LGR4: variants seen among roughly 807,000 people sequenced by gnomAD.
LGR4 encodes leucine rich repeat containing G protein-coupled receptor 4, also known as leucine-rich repeat-containing G protein-coupled receptor 4.
A neutral mutation model predicts 84.8 loss-of-function variants in LGR4; 44 were observed. The observed-to-expected ratio is 0.52, with a 90% CI of 0.41 to 0.67. The LOEUF is 0.67. Among genes scored for constraint, LGR4 ranks in the 30% least tolerant of loss-of-function variants. The pLI is 0.00. For missense variants in LGR4, 1,032 were observed against 1,131.4 expected (o/e 0.91, Z 1.26); for synonymous variants, 429 against 434.3 (o/e 0.99, Z 0.15).
Position 27,384,417 on chromosome 11 carries a change from A to G in LGR4, c.618-10T>C, listed in dbSNP as rs768807866. ...ATTGTTATGAAGATGCCTAAGGGGG[A>G]AAAAAAGCATAAAATGACTTTTCCA... On this transcript the variant is annotated splice_polypyrimidine_tract_variant and intron_variant, in intron 5 of 17. Transcript: ENST00000379214. 11 of 1,570,304 alleles carry G rather than the reference A, an allele frequency of 7.0e-6. No homozygotes were observed. In the African/African-American group the frequency reaches 8.1e-5, roughly 12 times the overall value.
In LGR4 at chr11:27,366,177, T is replaced by C. The variant is rs1385200158; in HGVS notation, c.*1690A>G. On this transcript the variant is annotated 3_prime_UTR_variant, in exon 18 of 18. Coordinates refer to ENST00000379214, the MANE Select transcript of LGR4 (RefSeq NM_018490.5). ...TATTTATCAGATGTGTAAATATACA[T>C]GATAGCAATTTTTAAAACTTGTAAA... 3 of 152,584 alleles carry C rather than the reference T, an allele frequency of 2.0e-5. No homozygotes were observed. The allele number at this position is 152,584 out of a possible 1,614,324, so 9.5% of individuals were successfully genotyped here.
chr11:27,458,329 T>C lies in LGR4; in HGVS notation c.185+13789A>G, dbSNP rs1407836594. ...AAAATAGTTCAGCAGTTGTCAGAGGTTGGAGGTGAAGAGAGGAGATAACTA... is the reference window on the plus strand; with the variant it reads ...AAAATAGTTCAGCAGTTGTCAGAGGCTGGAGGTGAAGAGAGGAGATAACTA... On this transcript the variant is annotated intron_variant, in intron 1 of 17. Coordinates refer to ENST00000379214, the MANE Select transcript of LGR4 (RefSeq NM_018490.5). 2.6e-5 allele frequency among the ~76,000 whole-genome samples: 4 copies of C among 151,858 alleles called. No homozygotes were observed. In the East Asian group the frequency reaches 7.7e-4, roughly 29 times the overall value.
intron 2 of LGR4, among the ~76,000 whole-genome samples, chr11:27,393,723 C>T (rs1863328279): frequency 1.3e-5 from 2 of 151,896 alleles, no homozygotes; most frequent in South Asian, 4.2e-4. Context: ...TTAGGTTCCC[C>T]CACTTCTAAT....
chr11:27,368,673 T>C lies in LGR4; in HGVS notation c.2050A>G (p.Arg684Gly), dbSNP rs7125959. 2.9e-3 allele frequency: 4,670 copies of C among 1,613,876 alleles called. 133 individuals are homozygous for C. The African/African-American group carries it at 0.055, about 19-fold the overall frequency. ...AGGGGTGATGCAGAATATTCCCCTC[T>C]ATGGAAAAGGGGAAAACAGCCTGCT... is the stretch of plus-strand genomic sequence containing the variant. The part of the protein sequence containing the change: ...TVAGCFPLFH[R>G]GEYSASPLCL... Residue 684 changes from arginine (R) to glycine (G), a missense_variant, in exon 18 of 18, where the codon AGA becomes GGA. Arg to Gly is a moderately radical substitution (Grantham distance 125, BLOSUM62 -2). Coordinates refer to ENST00000379214, the MANE Select transcript of LGR4 (RefSeq NM_018490.5).
chr11:27,385,234 A>C lies in LGR4; in HGVS notation c.617+19T>G. On this transcript the variant is annotated intron_variant, in intron 5 of 17. Coordinates refer to ENST00000379214, the MANE Select transcript of LGR4 (RefSeq NM_018490.5). ...CCAATTAACACAAATATATGGAATT[A>C]AAAGGGATAGATACTTACAGAACTA... 1 of 1,474,618 alleles carries C rather than the reference A, an allele frequency of 6.8e-7. No homozygotes were observed. 91.3% of individuals were successfully genotyped at this position (1,474,618 alleles called of 1,614,324 possible).
intron 1 of LGR4, among the ~76,000 whole-genome samples, chr11:27,447,085 AACG>A (rs1247850043): frequency 6.6e-6 from 1 of 152,070 alleles, no homozygotes; most frequent in Non-Finnish European, 1.5e-5. Flanking sequence ...ACCTAATGTA[AACG>A]ACAAGTTAAC....
chr11:27,435,106 C>A (rs1056135845), intron 1 of LGR4, among the ~76,000 whole-genome samples: 1 of 151,992 alleles, frequency 6.6e-6, no homozygotes, highest in Non-Finnish European at 1.5e-5. Context: ...GAGGCCAAGT[C>A]GGGAGATCAC....
At chr11:27,411,572 G>A (rs1863712277) in intron 2 of LGR4, among the ~76,000 whole-genome samples, 1 of 152,002 alleles carries the variant, frequency 6.6e-6, no homozygotes, top group Non-Finnish European at 1.5e-5. Context: ...TAACATAAAT[G>A]AATTCACTCT....
intron 10 of LGR4, among the ~76,000 whole-genome samples, chr11:27,379,932 A>C (rs1280148071): frequency 6.6e-6 from 1 of 152,196 alleles, no homozygotes; most frequent in Non-Finnish European, 1.5e-5. Flanking sequence ...GGGAAACCTG[A>C]CAGTATTCAA....
intron 1 of LGR4, among the ~76,000 whole-genome samples, chr11:27,471,050 C>T (rs930922766): frequency 6.6e-6 from 1 of 152,152 alleles, no homozygotes; most frequent in Non-Finnish European, 1.5e-5. Flanking sequence ...TCTTCGACTG[C>T]TCCTGATTTA....
chr11:27,369,980 G>C (rs1862849801), intron 17 of LGR4, among the ~76,000 whole-genome samples: 1 of 152,112 alleles, frequency 6.6e-6, no homozygotes, highest in South Asian at 2.1e-4. Context: ...ATACAAACTA[G>C]CATTGCAAGA....
Position 27,400,332 on chromosome 11 carries a change from CCTG to C in LGR4, c.258-7817_258-7815del, listed in dbSNP as rs1372592184. 2.6e-5 allele frequency among the ~76,000 whole-genome samples: 4 copies of C among 152,184 alleles called. No individual in the cohort carries two copies. In the South Asian group the frequency reaches 8.3e-4, roughly 32 times the overall value. ...AGCAAGCTTATCGCCCCCTACTCCT[CCTG>C]CTTTTTTTGTTTTTCTTTTTTAACA... On this transcript the variant is annotated intron_variant, in intron 2 of 17. Coordinates refer to ENST00000379214, the MANE Select transcript of LGR4 (RefSeq NM_018490.5).
At chr11:27,450,340 AC>A (rs1864460796) in intron 1 of LGR4, among the ~76,000 whole-genome samples, 1 of 152,104 alleles carries the variant, frequency 6.6e-6, no homozygotes, top group African/African-American at 2.4e-5. Context: ...ATACTTTTCA[AC>A]TCCTCCTGGC....
At chr11:27,418,531 C>A (rs1863863875) in intron 1 of LGR4, among the ~76,000 whole-genome samples, 1 of 152,092 alleles carries the variant, frequency 6.6e-6, no homozygotes, top group Non-Finnish European at 1.5e-5. Context: ...TGAGTACTTC[C>A]CAGCAAGAGG....
At chr11:27,401,161 T>A (rs1215535767) in intron 2 of LGR4, among the ~76,000 whole-genome samples, 1 of 152,218 alleles carries the variant, frequency 6.6e-6, no homozygotes, top group Admixed American at 6.5e-5. Context: ...ATTTCACACA[T>A]ATTTCATATT....
Position 27,393,950 on chromosome 11 carries a change from G to GTA in LGR4, c.258-1433_258-1432insTA. The stretch of plus-strand genomic sequence containing the variant: ...ATTGCACTGAAGATTGGGGGGGGGG[G>GTA]GGGGCGCGGGAAGGGGACAGAAAAG... On this transcript the variant is annotated intron_variant, in intron 2 of 17. Transcript: ENST00000379214. 2.1e-5 allele frequency among the ~76,000 whole-genome samples: 2 copies of GTA among 95,388 alleles called. 1 individual carries two copies. The highest frequency in any genetic ancestry group is 6.9e-5 in the African/African-American group (2 of 28,828). 62.6% of individuals were successfully genotyped at this position (95,388 alleles called of 152,430 possible).
At chr11:27,443,437 T>C (rs1272390946) in intron 1 of LGR4, among the ~76,000 whole-genome samples, 1 of 152,176 alleles carries the variant, frequency 6.6e-6, no homozygotes, top group Non-Finnish European at 1.5e-5. Context: ...CAAAACAGCT[T>C]CAGCAAGACG....
Position 27,391,110 on chromosome 11 carries a change from T to TCA in LGR4, c.383_384dup (p.Ser129Ter). ...GTTACTTACAAAGACTGCAAAGCACTCAGCCCTCGAATGGCTTCACTGGGT... is the reference window on the plus strand; with the variant it reads ...GTTACTTACAAAGACTGCAAAGCACTCACAGCCCTCGAATGGCTTCACTGGGT... On this transcript the variant is annotated frameshift_variant, in exon 4 of 18. Coordinates refer to ENST00000379214, the MANE Select transcript of LGR4 (RefSeq NM_018490.5). LOFTEE classifies it high-confidence loss of function. 6.2e-7 allele frequency: 1 copy of TCA among 1,607,900 alleles called. No homozygotes were observed. Among genetic ancestry groups the TCA allele is most frequent in the Non-Finnish European group, 8.5e-7 (1 of 1,176,320 alleles).
At chr11:27,400,817 C>T (rs1280740339) in intron 2 of LGR4, among the ~76,000 whole-genome samples, 3 of 152,018 alleles carry the variant, frequency 2.0e-5, no homozygotes, top group South Asian at 2.1e-4. Context: ...TATTTTCTAC[C>T]GTTGACTTCA....
Sources: gnomAD v4.1 joint callset for allele counts (sites outside exome capture counted in the v4.1 genomes callset) on GRCh38, gnomAD v4.1.1 for gene constraint, MANE v1.5 for transcripts, NCBI Gene and HGNC (gene_info 2026-07-23, HGNC 2026-07-21) for gene names.